Variants in LINGO2 observed in about 807,000 individuals in gnomAD.
LINGO2 encodes leucine rich repeat and Ig domain containing 2, also known as leucine-rich repeat and immunoglobulin-like domain-containing nogo receptor-interacting protein 2.
LINGO2 carries 14 observed loss-of-function variants against 30.6 expected under a neutral mutation model. The observed-to-expected ratio is 0.46, with a 90% CI of 0.30 to 0.72. The LOEUF is 0.72. LINGO2 is among the 30% of genes least tolerant of loss of function. The probability of loss-of-function intolerance (pLI) is 0.07; values close to 1 mark genes in which losing one functional copy is unlikely to be tolerated. For synonymous variants in LINGO2, 317 were observed against 288.5 expected, an observed-to-expected ratio of 1.10 and a Z score of -1.00; for missense variants, 729 against 751.7, an observed-to-expected ratio of 0.97 and a Z score of 0.35.
intron 1 of LINGO2, among the ~76,000 whole-genome samples, chr9:28,580,827 G>C (rs1347239480): frequency 1.3e-5 from 2 of 151,976 alleles, no homozygotes; most frequent in Non-Finnish European, 2.9e-5. Flanking sequence ...ACTGAGCCAC[G>C]ACTCACTTTG....
At chr9:29,138,527 A>C in the LINGO2 span, among the ~76,000 whole-genome samples, 22,875 of 152,138 alleles carry the variant, frequency 0.15, 1,993 homozygotes, top group South Asian at 0.21. Flanking sequence ...TTTGACATGT[A>C]TTTATTTATC....
intron 4 of LINGO2, among the ~76,000 whole-genome samples, chr9:28,101,560 A>T (rs73643297): frequency 0.046 from 6,950 of 152,266 alleles, 514 homozygotes; most frequent in African/African-American, 0.15. Flanking sequence ...AAACTTTTTC[A>T]TCATTCCTAA....
At chr9:29,145,006 G>A in the LINGO2 span, among the ~76,000 whole-genome samples, 15 of 152,070 alleles carry the variant, frequency 9.9e-5, no homozygotes, top group Non-Finnish European at 1.9e-4. Flanking sequence ...GATGCGTTTG[G>A]AACAAAAAGT....
At chr9:29,123,760 T>C in the LINGO2 span, among the ~76,000 whole-genome samples, 1 of 152,076 alleles carries the variant, frequency 6.6e-6, no homozygotes, top group Non-Finnish European at 1.5e-5. Flanking sequence ...ATAAAACTAA[T>C]AAAACTTAAA....
the LINGO2 span, among the ~76,000 whole-genome samples, chr9:28,723,230 T>A: frequency 2.0e-5 from 3 of 152,126 alleles, no homozygotes; most frequent in East Asian, 5.8e-4. Flanking sequence ...TCTAATATGC[T>A]CTCAGGTGAC....
chr9:28,789,318 C>A, the LINGO2 span, among the ~76,000 whole-genome samples: 2 of 152,146 alleles, frequency 1.3e-5, no homozygotes, highest in Non-Finnish European at 2.9e-5. Flanking sequence ...AAGCTATTAT[C>A]TCAATAGTAT....
intron 4 of LINGO2, among the ~76,000 whole-genome samples, chr9:28,026,125 G>C (rs1044137284): frequency 2.6e-5 from 4 of 152,068 alleles, no homozygotes; most frequent in Non-Finnish European, 5.9e-5. Flanking sequence ...TTATGTTTCA[G>C]GATTCATCCT....
At chr9:28,744,566 C>T in the LINGO2 span, among the ~76,000 whole-genome samples, 1 of 150,186 alleles carries the variant, frequency 6.7e-6, no homozygotes, top group South Asian at 2.1e-4. Flanking sequence ...TCTATTTTCC[C>T]CATAGTGTAT....
chr9:28,570,576 A>C (rs774485367), intron 1 of LINGO2, among the ~76,000 whole-genome samples: 2 of 151,438 alleles, frequency 1.3e-5, no homozygotes, highest in Admixed American at 6.6e-5. Flanking sequence ...TATAACTTTT[A>C]AGAATAAAGC....
the LINGO2 span, among the ~76,000 whole-genome samples, chr9:28,753,750 T>C: frequency 6.6e-6 from 1 of 152,010 alleles, no homozygotes; most frequent in African/African-American, 2.4e-5. Flanking sequence ...GAGAGCTGTG[T>C]CACTGAACTT....
the LINGO2 span, among the ~76,000 whole-genome samples, chr9:28,726,868 G>A: frequency 6.6e-6 from 1 of 152,114 alleles, no homozygotes; most frequent in Non-Finnish European, 1.5e-5. Flanking sequence ...TACCCACGCT[G>A]ATGTATACCC....
chr9:28,244,715 A>T (rs1326808910), intron 4 of LINGO2, among the ~76,000 whole-genome samples: 1 of 152,030 alleles, frequency 6.6e-6, no homozygotes, highest in African/African-American at 2.4e-5. Context: ...AAATGGATGA[A>T]TTCCTGGACA....
At chr9:28,591,116 C>T (rs1396028327) in intron 1 of LINGO2, among the ~76,000 whole-genome samples, 4 of 150,684 alleles carry the variant, frequency 2.7e-5, no homozygotes, top group Non-Finnish European at 4.4e-5. Context: ...AATGAGAACA[C>T]ATGGACACAG....
At chr9:28,485,868 T>C (rs1249224175) in intron 1 of LINGO2, among the ~76,000 whole-genome samples, 1 of 152,106 alleles carries the variant, frequency 6.6e-6, no homozygotes, top group Admixed American at 6.6e-5. Context: ...TTCTAAAATA[T>C]ACTCAGAAGA....
intron 2 of LINGO2, among the ~76,000 whole-genome samples, chr9:28,429,432 T>C (rs1004112361): frequency 6.6e-6 from 1 of 152,176 alleles, no homozygotes; most frequent in African/African-American, 2.4e-5. Context: ...GTTTAAAAGT[T>C]GTACCAAGAA....
chr9:28,489,896 CAAAAA>C (rs36068240), intron 1 of LINGO2, among the ~76,000 whole-genome samples: 2 of 66,920 alleles, frequency 3.0e-5, no homozygotes, highest in Non-Finnish European at 5.8e-5. Flanking sequence ...GACTTTGTCT[CAAAAA>C]AAAAAAAAAA....
At chr9:28,076,714 A>G (rs1563960506) in intron 4 of LINGO2, among the ~76,000 whole-genome samples, 1 of 152,096 alleles carries the variant, frequency 6.6e-6, no homozygotes, top group Admixed American at 6.6e-5. Context: ...TCTTAAAACC[A>G]TAGTTTTATT....
chr9:28,197,772 A>G (rs1587200268), intron 4 of LINGO2, among the ~76,000 whole-genome samples: 2 of 152,084 alleles, frequency 1.3e-5, no homozygotes, highest in Middle Eastern at 3.4e-3. Flanking sequence ...GATAAATGGC[A>G]AACTGGAGAA....
At chr9:29,190,454 C>T in the LINGO2 span, among the ~76,000 whole-genome samples, 1 of 152,018 alleles carries the variant, frequency 6.6e-6, no homozygotes, top group Non-Finnish European at 1.5e-5. Context: ...AAAAAGCTAA[C>T]AAATGTTTCA....
Sources: allele counts gnomAD v4.1 joint callset (sites outside exome capture counted in the v4.1 genomes callset), GRCh38; gene constraint gnomAD v4.1.1; transcripts MANE v1.5; gene names NCBI Gene and HGNC (gene_info 2026-07-23, HGNC 2026-07-21).